Variants in RNLS observed in about 807,000 individuals in gnomAD.
RNLS encodes the protein renalase, FAD dependent amine oxidase.
A neutral mutation model predicts 39.8 loss-of-function variants in RNLS; 39 were observed. That is an observed-to-expected ratio of 0.98 (90% CI 0.76 to 1.28). The LOEUF (loss-of-function observed/expected upper bound fraction) is 1.28, where lower values mean the gene tolerates loss of function less well. RNLS is among the 50% of genes most tolerant of loss of function. The probability of loss-of-function intolerance (pLI) is 0.00; values close to 1 mark genes in which losing one functional copy is unlikely to be tolerated. For missense variants in RNLS, 410 were observed against 413.3 expected, an observed-to-expected ratio of 0.99 and a Z score of 0.07; for synonymous variants, 147 against 150.7, an observed-to-expected ratio of 0.98 and a Z score of 0.18.
intron 4 of RNLS, among the ~76,000 whole-genome samples, chr10:88,507,886 A>C (rs1845884055): frequency 6.6e-6 from 1 of 152,162 alleles, no homozygotes; most frequent in South Asian, 2.1e-4. Context: ...ATGTAAATCT[A>C]ATGTCTCTAC....
chr10:88,305,526 G>A (rs1040801666), intron 6 of RNLS, among the ~76,000 whole-genome samples: 5 of 152,100 alleles, frequency 3.3e-5, no homozygotes, highest in African/African-American at 1.2e-4. Context: ...GAAAGCAGGG[G>A]TTGCAATCCT....
downstream of RNLS, among the ~76,000 whole-genome samples, chr10:88,280,510 G>T (rs1482470173): frequency 4.6e-5 from 7 of 152,156 alleles, no homozygotes; most frequent in Admixed American, 4.6e-4. Context: ...AGTGTCTACA[G>T]ACAGATGTGT....
chr10:88,479,109 T>C (rs996109675), intron 4 of RNLS, among the ~76,000 whole-genome samples: 1 of 152,200 alleles, frequency 6.6e-6, no homozygotes, highest in East Asian at 1.9e-4. Context: ...TTATAGAACA[T>C]TAAATATGTT....
At chr10:88,532,746 C>G (rs539112536) in intron 4 of RNLS, among the ~76,000 whole-genome samples, 1 of 152,082 alleles carries the variant, frequency 6.6e-6, no homozygotes, top group South Asian at 2.1e-4. Context: ...CAATACTAAT[C>G]TTCTGAAAAG....
chr10:88,289,851 T>C (rs1309674106), intron 6 of RNLS, among the ~76,000 whole-genome samples: 1 of 152,178 alleles, frequency 6.6e-6, no homozygotes, highest in Non-Finnish European at 1.5e-5. Flanking sequence ...AGACTCTTAA[T>C]AATGATGAAT....
chr10:88,200,423 T>C, the RNLS span, among the ~76,000 whole-genome samples: 2 of 152,166 alleles, frequency 1.3e-5, no homozygotes, highest in African/African-American at 4.8e-5. Flanking sequence ...GAGGTCCAAG[T>C]GATGGAAAGT....
chr10:88,462,612 C>A (rs911656674), intron 4 of RNLS, among the ~76,000 whole-genome samples: 3 of 151,674 alleles, frequency 2.0e-5, no homozygotes, highest in Non-Finnish European at 2.9e-5. Flanking sequence ...AGGAGTCAGG[C>A]ATTAAAAAAA....
chr10:88,284,654 G>C lies in RNLS; in HGVS notation c.*700C>G, dbSNP rs1006871796. On this transcript the variant is annotated 3_prime_UTR_variant, in exon 7 of 7. Transcript: ENST00000331772. ...GTAAGGATCGATATACTTTCTCTCT[G>C]TTTCTATTTAATTTTTATCTTTCAT... is the stretch of plus-strand genomic sequence containing the variant. 2.0e-5 allele frequency: 20 copies of C among 984,956 alleles called. No individual in the cohort carries two copies. The highest frequency in any genetic ancestry group is 2.2e-5 in the Non-Finnish European group (18 of 829,702). 61.0% of individuals were successfully genotyped at this position (984,956 alleles called of 1,614,324 possible).
chr10:88,395,206 A>C (rs537763985), intron 4 of RNLS, among the ~76,000 whole-genome samples: 7 of 146,160 alleles, frequency 4.8e-5, no homozygotes, highest in Admixed American at 1.4e-4. Context: ...TAATAAAATT[A>C]AAAAAAAAGT....
chr10:88,297,657 C>T (rs1589486553), intron 6 of RNLS, among the ~76,000 whole-genome samples: 1 of 152,116 alleles, frequency 6.6e-6, no homozygotes. Flanking sequence ...CATGTTATAG[C>T]ATGTATCAGT....
At chr10:88,531,415 G>C (rs754574362) in intron 4 of RNLS, among the ~76,000 whole-genome samples, 6 of 151,866 alleles carry the variant, frequency 4.0e-5, no homozygotes, top group Admixed American at 1.3e-4. Flanking sequence ...TTGAGCATTT[G>C]AAAAACCCCC....
chr10:88,422,763 T>G (rs12412793), intron 4 of RNLS, among the ~76,000 whole-genome samples: 1 of 145,130 alleles, frequency 6.9e-6, no homozygotes, highest in African/African-American at 2.5e-5. Context: ...TAGATGGCCC[T>G]TTTTTTTTTT....
At chr10:88,555,221 C>A (rs1335664544) in intron 4 of RNLS, among the ~76,000 whole-genome samples, 2 of 151,930 alleles carry the variant, frequency 1.3e-5, no homozygotes, top group African/African-American at 4.8e-5. Flanking sequence ...TCCTCCCTTC[C>A]CATTTGTTTC....
the RNLS span, among the ~76,000 whole-genome samples, chr10:88,195,382 T>C: frequency 1.3e-5 from 2 of 152,186 alleles, no homozygotes; most frequent in Admixed American, 1.3e-4. Flanking sequence ...AGTGAGTGGA[T>C]AGACAATACT....
At chr10:88,553,640 A>G (rs939347484) in intron 4 of RNLS, among the ~76,000 whole-genome samples, 5 of 152,216 alleles carry the variant, frequency 3.3e-5, no homozygotes, top group Non-Finnish European at 7.3e-5. Flanking sequence ...AAGATTTTAT[A>G]TATAATGCAC....
chr10:88,466,376 A>G (rs1029837126), intron 4 of RNLS, among the ~76,000 whole-genome samples: 3 of 152,118 alleles, frequency 2.0e-5, no homozygotes, highest in Non-Finnish European at 2.9e-5. Context: ...AGAGCTCAGG[A>G]GTTTGAGACC....
the RNLS span, among the ~76,000 whole-genome samples, chr10:88,171,703 C>T: frequency 6.6e-6 from 1 of 152,122 alleles, no homozygotes; most frequent in African/African-American, 2.4e-5. Context: ...ATTCAAGATC[C>T]TCTCTTCTGG....
At chr10:88,386,881 G>A (rs1851890370) in intron 4 of RNLS, among the ~76,000 whole-genome samples, 2 of 152,186 alleles carry the variant, frequency 1.3e-5, no homozygotes, top group African/African-American at 4.8e-5. Flanking sequence ...TAAAGTGGAA[G>A]TACTTTAAAA....
At chr10:88,188,864 C>T in the RNLS span, among the ~76,000 whole-genome samples, 1 of 152,118 alleles carries the variant, frequency 6.6e-6, no homozygotes, top group Non-Finnish European at 1.5e-5. Context: ...TTTTGAGTCT[C>T]TTCTTAATTG....
Sources: gnomAD v4.1 joint callset for allele counts (sites outside exome capture counted in the v4.1 genomes callset) on GRCh38, gnomAD v4.1.1 for gene constraint, MANE v1.5 for transcripts, NCBI Gene and HGNC (gene_info 2026-07-23, HGNC 2026-07-21) for gene names.